HS3ST2: variants seen among roughly 807,000 people sequenced by gnomAD.
The protein encoded by HS3ST2 is heparan sulfate glucosamine 3-O-sulfotransferase 2.
In HS3ST2, 17 loss-of-function variants were observed where a neutral mutation model predicts 26.3. That is an observed-to-expected ratio of 0.65 (90% CI 0.44 to 0.97). HS3ST2 has a LOEUF of 0.97. HS3ST2 is among the 50% of genes least tolerant of loss of function. The probability of loss-of-function intolerance (pLI) is 0.00; values close to 1 mark genes in which losing one functional copy is unlikely to be tolerated. For synonymous variants in HS3ST2, 237 were observed against 219.2 expected, an observed-to-expected ratio of 1.08 and a Z score of -0.72; for missense variants, 402 against 501.2, an observed-to-expected ratio of 0.80 and a Z score of 1.89.
chr16:22,859,348 C>T (rs1901645163), intron 1 of HS3ST2, among the ~76,000 whole-genome samples: 1 of 152,142 alleles, frequency 6.6e-6, no homozygotes, highest in Admixed American at 6.5e-5. Flanking sequence ...CAAACTGCCT[C>T]TAATAATTTT....
intron 1 of HS3ST2, among the ~76,000 whole-genome samples, chr16:22,866,369 C>CGTGTGTGTGTGTGT (rs55757233): frequency 7.0e-6 from 1 of 143,744 alleles, no homozygotes; most frequent in African/African-American, 2.6e-5. Context: ...ATATGGTGTG[C>CGTGTGTGTGTGTGT]GTGTGTGTGT....
At chr16:22,850,691 G>A (rs1336538641) in intron 1 of HS3ST2, among the ~76,000 whole-genome samples, 1 of 152,164 alleles carries the variant, frequency 6.6e-6, no homozygotes, top group Non-Finnish European at 1.5e-5. Flanking sequence ...GGAGGCTGAG[G>A]CAGGAGAATC....
chr16:22,824,319 C>T (rs1324794981), intron 1 of HS3ST2, among the ~76,000 whole-genome samples: 1 of 152,142 alleles, frequency 6.6e-6, no homozygotes, highest in Non-Finnish European at 1.5e-5. Context: ...GAGGCTGAGG[C>T]AGGTGGATCA....
At chr16:22,846,379 C>A (rs1901432560) in intron 1 of HS3ST2, among the ~76,000 whole-genome samples, 1 of 151,956 alleles carries the variant, frequency 6.6e-6, no homozygotes, top group African/African-American at 2.4e-5. Context: ...CATTGCAAAC[C>A]CTTTCTTTGC....
At chr16:22,831,873 C>T (rs1319071072) in intron 1 of HS3ST2, among the ~76,000 whole-genome samples, 1 of 152,008 alleles carries the variant, frequency 6.6e-6, no homozygotes. Context: ...GGACTCTGTA[C>T]CTGATTGTGG....
intron 1 of HS3ST2, among the ~76,000 whole-genome samples, chr16:22,856,035 T>C (rs1022651778): frequency 1.3e-5 from 2 of 152,188 alleles, no homozygotes; most frequent in Admixed American, 6.5e-5. Flanking sequence ...GTATCATTAC[T>C]ATAAGAAGGA....
intron 1 of HS3ST2, among the ~76,000 whole-genome samples, chr16:22,819,485 CT>C (rs1900956732): frequency 6.6e-6 from 1 of 152,140 alleles, no homozygotes; most frequent in African/African-American, 2.4e-5. Flanking sequence ...ACAGGGAAAG[CT>C]GAGATATGTC....
At chr16:22,832,415 C>G (rs565997737) in intron 1 of HS3ST2, among the ~76,000 whole-genome samples, 12 of 152,006 alleles carry the variant, frequency 7.9e-5, no homozygotes, top group Non-Finnish European at 1.3e-4. Flanking sequence ...TCAAAGAGAC[C>G]CAGCCCTCAC....
intron 1 of HS3ST2, among the ~76,000 whole-genome samples, chr16:22,847,783 G>A: frequency 6.8e-6 from 1 of 147,416 alleles, no homozygotes; most frequent in East Asian, 2.0e-4. Flanking sequence ...AGAGAAAGAG[G>A]AAGAAGAATA....
At chr16:22,824,227 A>G (rs922055441) in intron 1 of HS3ST2, among the ~76,000 whole-genome samples, 7 of 152,340 alleles carry the variant, frequency 4.6e-5, no homozygotes, top group African/African-American at 1.7e-4. Flanking sequence ...CTTTTCTTCC[A>G]TTCTGGAAAA....
chr16:22,898,809 G>A (rs1176380663), intron 1 of HS3ST2, among the ~76,000 whole-genome samples: 1 of 152,204 alleles, frequency 6.6e-6, no homozygotes, highest in Non-Finnish European at 1.5e-5. Flanking sequence ...CCCAGTGCAT[G>A]GCCCTTGCTC....
At chr16:22,880,845 CAAT>C (rs978438729) in intron 1 of HS3ST2, among the ~76,000 whole-genome samples, 2 of 149,678 alleles carry the variant, frequency 1.3e-5, no homozygotes, top group Admixed American at 6.6e-5. Context: ...ACCCAGGTGC[CAAT>C]AGACACCTTT....
chr16:22,830,629 T>G (rs1174410354), intron 1 of HS3ST2, among the ~76,000 whole-genome samples: 3 of 152,252 alleles, frequency 2.0e-5, no homozygotes, highest in East Asian at 3.9e-4. Flanking sequence ...AGTTCAATAT[T>G]GAGAGCCTGG....
chr16:22,885,050 A>G (rs1347214354), intron 1 of HS3ST2, among the ~76,000 whole-genome samples: 1 of 151,964 alleles, frequency 6.6e-6, no homozygotes, highest in East Asian at 1.9e-4. Flanking sequence ...CATGTTAGCC[A>G]GGCTGGTCTT....
In HS3ST2 at chr16:22,814,575, C is replaced by G. The variant is rs1358810799; in HGVS notation, c.-36C>G. ...AGCAGCTCAGCCGCCGGTGCCCCCT[C>G]GGAAACCATGACCCCCGGCGCGGGC... On this transcript the variant is annotated 5_prime_UTR_variant, in exon 1 of 2. Coordinates refer to ENST00000261374, the MANE Select transcript of HS3ST2 (RefSeq NM_006043.2). 6.7e-7 allele frequency: 1 copy of G among 1,485,156 alleles called. No homozygotes were observed. The highest frequency in any genetic ancestry group is 2.6e-5 in the East Asian group (1 of 38,192). 92.0% of individuals were successfully genotyped at this position (1,485,156 alleles called of 1,614,324 possible). A position where few individuals can be genotyped will look rare whatever the true frequency, so the allele number is the denominator to read the frequency against.
At chr16:22,870,118 A>G (rs1029178412) in intron 1 of HS3ST2, among the ~76,000 whole-genome samples, 1 of 152,124 alleles carries the variant, frequency 6.6e-6, no homozygotes, top group Non-Finnish European at 1.5e-5. Context: ...GGTTACAGAA[A>G]GTGGCCGATG....
chr16:22,819,017 C>CCCTT (rs1165364326), intron 1 of HS3ST2, among the ~76,000 whole-genome samples: 3 of 4,190 alleles, frequency 7.2e-4, no homozygotes, highest in Non-Finnish European at 1.4e-3. Flanking sequence ...CTCCCTCCCT[C>CCCTT]CCTTCCTTCC....
intron 1 of HS3ST2, among the ~76,000 whole-genome samples, chr16:22,826,366 A>T (rs575800539): frequency 1.3e-5 from 2 of 152,090 alleles, no homozygotes; most frequent in African/African-American, 4.8e-5. Flanking sequence ...GCTACTTCTC[A>T]TCATGCATGT....
At chr16:22,890,746 T>G (rs208617) in intron 1 of HS3ST2, among the ~76,000 whole-genome samples, 66,327 of 152,062 alleles carry the variant, frequency 0.44, 15,408 homozygotes, top group Admixed American at 0.54. Flanking sequence ...CAAGTAGAAT[T>G]AGAAACCACG....
Sources: allele counts gnomAD v4.1 joint callset (sites outside exome capture counted in the v4.1 genomes callset), GRCh38; gene constraint gnomAD v4.1.1; transcripts MANE v1.5; gene names NCBI Gene and HGNC (gene_info 2026-07-23, HGNC 2026-07-21).